The following LDB2 variants were observed in gnomAD, a reference collection of about 807,000 sequenced individuals.
The protein encoded by LDB2 is LIM domain-binding protein 2.
LDB2 carries 12 observed loss-of-function variants against 44.3 expected under a neutral mutation model. The ratio of observed to expected loss-of-function variants is 0.27; its 90% CI spans 0.17 to 0.44. The LOEUF (loss-of-function observed/expected upper bound fraction) is 0.44. Ranked by LOEUF, LDB2 falls within the 20% of genes least tolerant of loss-of-function variation. The pLI, the probability that LDB2 is intolerant of heterozygous loss-of-function variation, is 1.00. For missense variants in LDB2, 344 were observed against 473.5 expected, an observed-to-expected ratio of 0.73 and a Z score of 2.54; for synonymous variants, 164 against 174.8, an observed-to-expected ratio of 0.94 and a Z score of 0.49.
At chr4:16,706,250 A>C (rs573765722) in intron 2 of LDB2, among the ~76,000 whole-genome samples, 2 of 152,230 alleles carry the variant, frequency 1.3e-5, no homozygotes, top group Middle Eastern at 3.4e-3. Flanking sequence ...CTAACCTTCA[A>C]GGTAATGGTA....
intron 2 of LDB2, among the ~76,000 whole-genome samples, chr4:16,714,024 A>C (rs1756502798): frequency 6.6e-6 from 1 of 152,226 alleles, no homozygotes; most frequent in Non-Finnish European, 1.5e-5. Flanking sequence ...ACCGGCGAGA[A>C]GATATTTAAA....
chr4:16,696,397 A>G (rs950085053), intron 2 of LDB2, among the ~76,000 whole-genome samples: 6 of 152,244 alleles, frequency 3.9e-5, no homozygotes, highest in African/African-American at 1.4e-4. Flanking sequence ...AGCCAAAATG[A>G]AGAAAAAATA....
At chr4:16,539,377 C>T in intron 5 of LDB2, among the ~76,000 whole-genome samples, 1 of 152,132 alleles carries the variant, frequency 6.6e-6, no homozygotes, top group Non-Finnish European at 1.5e-5. Flanking sequence ...GTTCATGGTA[C>T]TTCAAGGAAA....
intron 2 of LDB2, among the ~76,000 whole-genome samples, chr4:16,645,346 C>T (rs1736429738): frequency 6.6e-6 from 1 of 151,374 alleles, no homozygotes; most frequent in African/African-American, 2.4e-5. Context: ...ACCATCCTGG[C>T]TAACAAGGTG....
chr4:16,519,844 G>A (rs570061879), intron 5 of LDB2, among the ~76,000 whole-genome samples: 2 of 151,908 alleles, frequency 1.3e-5, no homozygotes, highest in Non-Finnish European at 2.9e-5. Context: ...AGGTCAGCAC[G>A]CAAAAGATGA....
intron 5 of LDB2, among the ~76,000 whole-genome samples, chr4:16,559,433 A>G (rs981225986): frequency 6.6e-6 from 1 of 152,202 alleles, no homozygotes; most frequent in South Asian, 2.1e-4. Context: ...CTGACAAAAC[A>G]GACTTTAAAC....
chr4:16,739,913 G>A (rs908818280), intron 2 of LDB2, among the ~76,000 whole-genome samples: 1 of 150,772 alleles, frequency 6.6e-6, no homozygotes, highest in African/African-American at 2.4e-5. Flanking sequence ...GTATATTAAA[G>A]CAACTATTTT....
intron 1 of LDB2, among the ~76,000 whole-genome samples, chr4:16,770,893 T>C (rs1250864784): frequency 1.3e-5 from 2 of 152,170 alleles, no homozygotes; most frequent in African/African-American, 4.8e-5. Flanking sequence ...TCTGTGGCAG[T>C]GAGCACCGCG....
At chr4:16,618,956 C>A (rs998833917) in intron 2 of LDB2, among the ~76,000 whole-genome samples, 4 of 152,162 alleles carry the variant, frequency 2.6e-5, no homozygotes, top group African/African-American at 9.7e-5. Flanking sequence ...CCCCATCAGT[C>A]TCTTCCTCCT....
chr4:16,740,440 C>T (rs1269187721), intron 2 of LDB2, among the ~76,000 whole-genome samples: 1 of 152,206 alleles, frequency 6.6e-6, no homozygotes, highest in Non-Finnish European at 1.5e-5. Flanking sequence ...ATCTTTTGTT[C>T]TTTGCCCATG....
chr4:16,577,560 G>T (rs1038457386), intron 5 of LDB2, among the ~76,000 whole-genome samples: 8 of 152,016 alleles, frequency 5.3e-5, no homozygotes, highest in Non-Finnish European at 8.8e-5. Flanking sequence ...ATTGACGAAA[G>T]AAATTGAAGA....
At chr4:16,566,021 A>C (rs900226457) in intron 5 of LDB2, among the ~76,000 whole-genome samples, 2 of 152,154 alleles carry the variant, frequency 1.3e-5, no homozygotes, top group African/African-American at 4.8e-5. Flanking sequence ...ACCAAGAGAC[A>C]CAAGAAAGAT....
intron 2 of LDB2, among the ~76,000 whole-genome samples, chr4:16,655,117 T>C (rs1341640824): frequency 6.6e-6 from 1 of 152,082 alleles, no homozygotes; most frequent in Non-Finnish European, 1.5e-5. Context: ...AATCTGAAAA[T>C]GCATTTGAAA....
At chr4:16,532,096 C>T (rs1054339916) in intron 5 of LDB2, among the ~76,000 whole-genome samples, 7 of 152,088 alleles carry the variant, frequency 4.6e-5, no homozygotes, top group Non-Finnish European at 1.5e-5. Flanking sequence ...GGGAGGGAAT[C>T]AGCCTCTCTC....
intron 1 of LDB2, among the ~76,000 whole-genome samples, chr4:16,806,896 T>C (rs1009302030): frequency 6.6e-6 from 1 of 152,194 alleles, no homozygotes; most frequent in Non-Finnish European, 1.5e-5. Context: ...ACACAGCCTA[T>C]CTCATAGCAT....
chr4:16,610,102 AC>A (rs1042221690), intron 2 of LDB2, among the ~76,000 whole-genome samples: 4 of 151,884 alleles, frequency 2.6e-5, no homozygotes, highest in Admixed American at 1.3e-4. Context: ...AAACTGCAGC[AC>A]CCCTACAGAA....
intron 5 of LDB2, among the ~76,000 whole-genome samples, chr4:16,568,796 G>A (rs1393229137): frequency 1.3e-5 from 2 of 152,144 alleles, no homozygotes; most frequent in Admixed American, 6.5e-5. Flanking sequence ...GTGGACCCTC[G>A]CAGTTCAAAC....
intron 1 of LDB2, among the ~76,000 whole-genome samples, chr4:16,760,674 A>G (rs1767707179): frequency 6.6e-6 from 1 of 152,170 alleles, no homozygotes; most frequent in Non-Finnish European, 1.5e-5. Context: ...CAAAGGGCTT[A>G]AAGCCCACTA....
chr4:16,898,246 A>G, intron 1 of LDB2, 108 bp downstream of exon 1: 1 of 1,059,992 alleles, frequency 9.4e-7, no homozygotes, highest in Non-Finnish European at 1.4e-6. Flanking sequence ...CGTACGTGGT[A>G]GTATCAAGTG....
Sources: allele counts gnomAD v4.1 joint callset (sites outside exome capture counted in the v4.1 genomes callset), GRCh38; gene constraint gnomAD v4.1.1; transcripts MANE v1.5; gene names NCBI Gene and HGNC (gene_info 2026-07-23, HGNC 2026-07-21).